The following CAMTA1 variants were observed in gnomAD, a reference collection of about 807,000 sequenced individuals.
CAMTA1 encodes calmodulin binding transcription activator 1.
CAMTA1 carries 27 observed loss-of-function variants against 170.9 expected under a neutral mutation model. That is an observed-to-expected ratio of 0.16 (90% CI 0.12 to 0.22). The LOEUF (loss-of-function observed/expected upper bound fraction) is 0.22, where lower values mean the gene tolerates loss of function less well. Ranked by LOEUF, CAMTA1 falls within the 10% of genes least tolerant of loss-of-function variation. The pLI is 1.00. For missense variants in CAMTA1, 1,619 were observed against 2,217.2 expected (o/e 0.73, Z 5.42); for synonymous variants, 833 against 891.5 (o/e 0.93, Z 1.17).
At chr1:7,701,182 T>A (rs2149497697) in intron 11 of CAMTA1, among the ~76,000 whole-genome samples, 1 of 152,354 alleles carries the variant, frequency 6.6e-6, no homozygotes, top group South Asian at 2.1e-4. Context: ...TCCAGCTGTG[T>A]GGCTTTGAGC....
chr1:6,849,984 G>A (rs182924116), intron 3 of CAMTA1, among the ~76,000 whole-genome samples: 5 of 148,508 alleles, frequency 3.4e-5, no homozygotes, highest in East Asian at 2.0e-4. Context: ...GCAATGAGCC[G>A]AGATCATGCA....
chr1:6,976,051 C>G (rs986385615), intron 3 of CAMTA1, among the ~76,000 whole-genome samples: 1 of 152,210 alleles, frequency 6.6e-6, no homozygotes, highest in South Asian at 2.1e-4. Context: ...AATGCTCACT[C>G]GAGCCAGGCA....
At chr1:7,068,518 G>A (rs868289870) in intron 3 of CAMTA1, among the ~76,000 whole-genome samples, 1 of 152,132 alleles carries the variant, frequency 6.6e-6, no homozygotes, top group South Asian at 2.1e-4. Flanking sequence ...GTTGGGCCAG[G>A]CAGACCACGA....
At position 7,525,413 on chromosome 1, in the gene CAMTA1, C is replaced by G. The variant is rs150783335; in HGVS notation, c.510+57512C>G. ...GCTCAGGCTCCCCCCATCTCCACAT[C>G]CGCAGGATGGTACGCTATTGATGTT... On this transcript the variant is annotated intron_variant, in intron 6 of 22. Transcript: ENST00000303635. 5.3e-5 allele frequency among the ~76,000 whole-genome samples: 8 copies of G among 152,244 alleles called. No individual in the cohort carries two copies. In the East Asian group the frequency reaches 1.4e-3, roughly 26 times the overall value.
At chr1:7,657,391 A>G (rs2095913818) in intron 7 of CAMTA1, among the ~76,000 whole-genome samples, 1 of 152,180 alleles carries the variant, frequency 6.6e-6, no homozygotes, top group Non-Finnish European at 1.5e-5. Context: ...CCGGTGAGGT[A>G]CAGTGAGCAG....
chr1:7,619,404 A>T (rs981354825), intron 6 of CAMTA1, among the ~76,000 whole-genome samples: 1 of 152,190 alleles, frequency 6.6e-6, no homozygotes, highest in Non-Finnish European at 1.5e-5. Context: ...AGGTGACTGC[A>T]GTCCAGGTTC....
At chr1:7,530,790 A>G (rs1575827484) in intron 6 of CAMTA1, among the ~76,000 whole-genome samples, 1 of 142,220 alleles carries the variant, frequency 7.0e-6, no homozygotes, top group African/African-American at 2.6e-5. Context: ...TTACTAAAGT[A>G]TGTCCAGCAC....
chr1:7,105,504 T>C (rs1363316328), intron 4 of CAMTA1, among the ~76,000 whole-genome samples: 1 of 152,234 alleles, frequency 6.6e-6, no homozygotes, highest in Non-Finnish European at 1.5e-5. Flanking sequence ...ATCTGCGGCC[T>C]TTTCCTCCGT....
chr1:7,606,259 GATGCCAGCGGTC>G (rs2095485671), intron 6 of CAMTA1, among the ~76,000 whole-genome samples: 1 of 152,188 alleles, frequency 6.6e-6, no homozygotes, highest in South Asian at 2.1e-4. Context: ...ACAGCCAGAG[GATGCCAGCGGTC>G]CAAGGAGTGG....
chr1:6,915,541 G>A (rs1680595133), intron 3 of CAMTA1, among the ~76,000 whole-genome samples: 1 of 152,204 alleles, frequency 6.6e-6, no homozygotes, highest in South Asian at 2.1e-4. Flanking sequence ...GAGCCAAGGT[G>A]TTCAAGAAGG....
At chr1:7,487,152 A>G (rs1193163) in intron 6 of CAMTA1, among the ~76,000 whole-genome samples, 18,277 of 152,194 alleles carry the variant, frequency 0.12, 1,430 homozygotes, top group Admixed American at 0.17. Context: ...TCTCCCATCT[A>G]TGCGTCTCGT....
chr1:7,736,265 T>C lies in CAMTA1; in HGVS notation c.3067-79T>C. 1 of 1,172,690 alleles carries C rather than the reference T, an allele frequency of 8.5e-7. No individual in the cohort carries two copies. Among genetic ancestry groups the C allele is most frequent in the South Asian group, 1.4e-5 (1 of 73,650 alleles). The allele number at this position is 1,172,690 out of a possible 1,614,324, so 72.6% of individuals were successfully genotyped here. A position where few individuals can be genotyped will look rare whatever the true frequency, so the allele number is the denominator to read the frequency against. ...TTGTGAGTTTCTAATCGTAAAGCAT[T>C]TGTTTCCCCTACATCGAAGCGCTGA... is the stretch of plus-strand genomic sequence containing the variant. On this transcript the variant is annotated intron_variant, in intron 12 of 22. Transcript: ENST00000303635. This position sits in a 1 kb window ranked among gnomAD's most constrained non-coding sequence, Gnocchi z 4.5.
At chr1:7,015,381 TCTG>T (rs1316377441) in intron 3 of CAMTA1, among the ~76,000 whole-genome samples, 7 of 152,190 alleles carry the variant, frequency 4.6e-5, no homozygotes, top group African/African-American at 1.7e-4. Context: ...TCTGGAATGT[TCTG>T]CTCTTCCCCC....
intron 4 of CAMTA1, among the ~76,000 whole-genome samples, chr1:7,133,211 G>T (rs1404325591): frequency 6.6e-6 from 1 of 152,084 alleles, no homozygotes; most frequent in Non-Finnish European, 1.5e-5. Context: ...CCAGTTATCT[G>T]GGCCTGGAAT....
At chr1:7,208,112 C>A (rs1317223048) in intron 4 of CAMTA1, among the ~76,000 whole-genome samples, 1 of 152,250 alleles carries the variant, frequency 6.6e-6, no homozygotes, top group Non-Finnish European at 1.5e-5. Flanking sequence ...GGGAGCATTG[C>A]AGGTGTAGAC....
chr1:7,008,137 G>T (rs1699275185), intron 3 of CAMTA1, among the ~76,000 whole-genome samples: 1 of 152,190 alleles, frequency 6.6e-6, no homozygotes, highest in Non-Finnish European at 1.5e-5. Flanking sequence ...TCGTGGAAGG[G>T]AGGTGGAGCT....
At chr1:6,992,641 A>G (rs867039469) in intron 3 of CAMTA1, among the ~76,000 whole-genome samples, 5 of 152,216 alleles carry the variant, frequency 3.3e-5, no homozygotes, top group Non-Finnish European at 1.5e-5. Context: ...GAAACTTTCA[A>G]TTATGGCAGG....
chr1:7,148,943 A>G (rs1267429880), intron 4 of CAMTA1, among the ~76,000 whole-genome samples: 1 of 152,214 alleles, frequency 6.6e-6, no homozygotes, highest in African/African-American at 2.4e-5. Context: ...CCTGCTCAGG[A>G]TGGAGCACAG....
At position 7,173,163 on chromosome 1, in the gene CAMTA1, G is replaced by C. The variant is rs74051171; in HGVS notation, c.303-76328G>C. Among the ~76,000 whole-genome samples, 1,320 of 152,310 alleles carry C rather than the reference G, an allele frequency of 8.7e-3. 18 individuals are homozygous for C. The highest frequency in any genetic ancestry group is 0.031 in the African/African-American group (1,285 of 41,570). On this transcript the variant is annotated intron_variant, in intron 4 of 22. Transcript: ENST00000303635. This position sits in a 1 kb window ranked among gnomAD's most constrained non-coding sequence, Gnocchi z 5.4. ...CAGAAAGAGCCTTTGGCTGCCCTCT[G>C]TCCTCTTGAGGGTCACTATGTCTAT...
Sources: gnomAD v4.1 joint callset for allele counts (sites outside exome capture counted in the v4.1 genomes callset) on GRCh38, gnomAD v4.1.1 for gene constraint, Gnocchi (gnomAD v3.1) non-coding constraint, MANE v1.5 for transcripts, NCBI Gene and HGNC (gene_info 2026-07-23, HGNC 2026-07-21) for gene names.